The following TRHDE variants were observed in gnomAD, a reference collection of about 807,000 sequenced individuals.
TRHDE encodes the protein thyrotropin-releasing hormone-degrading ectoenzyme.
In TRHDE, 72 loss-of-function variants were observed where a neutral mutation model predicts 125.7. The observed-to-expected ratio is 0.57, with a 90% CI of 0.47 to 0.70. The LOEUF (loss-of-function observed/expected upper bound fraction) is 0.70, where lower values mean the gene tolerates loss of function less well. Ranked by LOEUF, TRHDE falls within the 30% of genes least tolerant of loss-of-function variation. TRHDE has a pLI of 0.00. For missense variants in TRHDE, 1,110 were observed against 1,327.1 expected (o/e 0.84, Z 2.54); for synonymous variants, 509 against 509.1 (o/e 1.00, Z 0.00).
At chr12:72,395,177 C>T (rs1872742203) in intron 3 of TRHDE, among the ~76,000 whole-genome samples, 1 of 152,124 alleles carries the variant, frequency 6.6e-6, no homozygotes, top group African/African-American at 2.4e-5. Context: ...TATCCTTTGA[C>T]CAACGTCTTC....
chr12:72,151,937 T>C (rs887741841), intron 2 of TRHDE, among the ~76,000 whole-genome samples: 2 of 151,412 alleles, frequency 1.3e-5, no homozygotes, highest in Non-Finnish European at 3.0e-5. Flanking sequence ...GTGAAGAAAG[T>C]CATTGGTAGC....
In TRHDE at chr12:72,562,974, T is replaced by C; in HGVS notation, c.1976T>C (p.Ile659Thr). 1 of 1,610,702 alleles carries C rather than the reference T, an allele frequency of 6.2e-7. No homozygotes were observed. The change falls in exon 9 of 19, where the codon ATT becomes ACT. Residue 659 changes from isoleucine (I) to threonine (T), a missense_variant. Transcript: ENST00000261180. ...GNTTAENRIIITQQHFIYDIS... is the reference protein window; with the variant it reads ...GNTTAENRIITTQQHFIYDIS... ...ACAACAGCAGAAAATAGAATAATAA[T>C]TACCCAACAGCATTTTATCTATGAT...
intron 2 of TRHDE, among the ~76,000 whole-genome samples, chr12:72,367,723 G>T (rs754568244): frequency 6.6e-6 from 1 of 152,250 alleles, no homozygotes; most frequent in African/African-American, 2.4e-5. Flanking sequence ...AATTAATTCA[G>T]CTTTACCGGC....
At chr12:72,293,010 G>C (rs563902544) in intron 2 of TRHDE, among the ~76,000 whole-genome samples, 1 of 152,178 alleles carries the variant, frequency 6.6e-6, no homozygotes, top group African/African-American at 2.4e-5. Flanking sequence ...TCGTTGATTG[G>C]GGTTAACTTG....
intron 7 of TRHDE, among the ~76,000 whole-genome samples, chr12:72,555,087 A>T (rs917794625): frequency 5.3e-5 from 8 of 152,226 alleles, no homozygotes; most frequent in Non-Finnish European, 1.0e-4. Context: ...GTTCTACTAC[A>T]TTTAGCAGCC....
rs1301865601 is a variant in TRHDE, at chr12:72,238,317, T to TATATAC, written n.279+132571_279+132576dup. 4.1e-4 allele frequency among the ~76,000 whole-genome samples: 13 copies of TATATAC among 31,534 alleles called. 1 individual carries two copies. The highest frequency in any genetic ancestry group is 7.5e-4 in the Non-Finnish European group (11 of 14,582). 20.7% of individuals were successfully genotyped at this position (31,534 alleles called of 152,430 possible). On this transcript the variant is annotated intron_variant and non_coding_transcript_variant, in intron 2 of 4. Coordinates refer to the TRHDE transcript ENST00000548156. The stretch of plus-strand genomic sequence containing the variant: ...ATATATATATATATATATATATATA[T>TATATAC]ATATACATATATATATACACATTAT...
chr12:72,380,317 A>G (rs1051334543), intron 3 of TRHDE, among the ~76,000 whole-genome samples: 1 of 152,264 alleles, frequency 6.6e-6, no homozygotes, highest in East Asian at 1.9e-4. Flanking sequence ...GACAGACATT[A>G]AAGCAATTAG....
rs1317217598 is a variant in TRHDE at position 72,664,006 on chromosome 12, T to G, written c.*811T>G. 1.3e-5 allele frequency: 2 copies of G among 152,100 alleles called. No individual in the cohort carries two copies. The highest frequency in any genetic ancestry group is 1.3e-4 in the Admixed American group (2 of 15,258). The allele number at this position is 152,100 out of a possible 1,614,324, so 9.4% of individuals were successfully genotyped here. A position where few individuals can be genotyped will look rare whatever the true frequency, so the allele number is the denominator to read the frequency against. ...ACAGTTGCAAAAGGCTTCAAGGAAT[T>G]TATCTCAACATTATTCTTTCTATGT... is the stretch of plus-strand genomic sequence containing the variant. On this transcript the variant is annotated 3_prime_UTR_variant, in exon 19 of 19. Coordinates refer to ENST00000261180, the MANE Select transcript of TRHDE (RefSeq NM_013381.3).
At chr12:72,102,044 G>A (rs1352132087) in intron 1 of TRHDE, among the ~76,000 whole-genome samples, 1 of 152,170 alleles carries the variant, frequency 6.6e-6, no homozygotes, top group Non-Finnish European at 1.5e-5. Flanking sequence ...TTAAAGCAAG[G>A]GCCTCTCGAT....
At chr12:72,468,330 G>C (rs1592467627) in intron 3 of TRHDE, among the ~76,000 whole-genome samples, 2 of 152,196 alleles carry the variant, frequency 1.3e-5, no homozygotes, top group Admixed American at 1.3e-4. Context: ...CTAGTGGTGA[G>C]ATCAATTGTT....
intron 6 of TRHDE, among the ~76,000 whole-genome samples, chr12:72,502,283 G>A (rs1878190201): frequency 6.6e-6 from 1 of 151,808 alleles, no homozygotes; most frequent in South Asian, 2.1e-4. Flanking sequence ...TCCATTTTAA[G>A]CCTTTATTCA....
intron 2 of TRHDE, among the ~76,000 whole-genome samples, chr12:72,330,217 A>G (rs1004382471): frequency 1.3e-5 from 2 of 152,116 alleles, no homozygotes; most frequent in Non-Finnish European, 2.9e-5. Flanking sequence ...CTTGAGCAAT[A>G]CACAGTTTTT....
At chr12:72,570,215 A>G (rs1870652123) in intron 10 of TRHDE, among the ~76,000 whole-genome samples, 1 of 152,156 alleles carries the variant, frequency 6.6e-6, no homozygotes, top group Non-Finnish European at 1.5e-5. Context: ...TTCCGGGTCC[A>G]TTTCTTCTAA....
intron 12 of TRHDE, among the ~76,000 whole-genome samples, chr12:72,610,133 G>T (rs1187235432): frequency 1.3e-5 from 2 of 152,066 alleles, no homozygotes; most frequent in Non-Finnish European, 2.9e-5. Context: ...CTTTTAAAAT[G>T]AATTCATTAT....
At chr12:72,179,993 T>C (rs1180965955) in intron 2 of TRHDE, among the ~76,000 whole-genome samples, 1 of 151,940 alleles carries the variant, frequency 6.6e-6, no homozygotes, top group Non-Finnish European at 1.5e-5. Context: ...AGCTAATTAA[T>C]ACTATCTAAT....
intron 3 of TRHDE, among the ~76,000 whole-genome samples, chr12:72,398,411 T>C (rs1361917865): frequency 6.6e-6 from 1 of 152,196 alleles, no homozygotes; most frequent in Non-Finnish European, 1.5e-5. Context: ...ATCGCCACTT[T>C]TTGTCATTTT....
At chr12:72,390,628 C>A (rs1039596617) in intron 3 of TRHDE, among the ~76,000 whole-genome samples, 1 of 151,976 alleles carries the variant, frequency 6.6e-6, no homozygotes, top group Admixed American at 6.5e-5. Flanking sequence ...ACATTTTTTT[C>A]TTTTCTTCCC....
chr12:72,335,285 T>C (rs1480995666), intron 2 of TRHDE, among the ~76,000 whole-genome samples: 1 of 152,206 alleles, frequency 6.6e-6, no homozygotes, highest in East Asian at 1.9e-4. Context: ...CACCCCATTA[T>C]TACTGCAAAG....
chr12:72,127,729 A>G (rs754205713), intron 2 of TRHDE, among the ~76,000 whole-genome samples: 57 of 152,166 alleles, frequency 3.7e-4, no homozygotes, highest in Non-Finnish European at 7.8e-4. Context: ...TATGCTCACT[A>G]CTTGAGTGAT....
Sources: gnomAD v4.1 joint callset for allele counts (sites outside exome capture counted in the v4.1 genomes callset) on GRCh38, gnomAD v4.1.1 for gene constraint, MANE v1.5 for transcripts, NCBI Gene and HGNC (gene_info 2026-07-23, HGNC 2026-07-21) for gene names.